ARFIP1: variants seen among roughly 807,000 people sequenced by gnomAD.
The protein encoded by ARFIP1 is ARF interacting protein 1.
A neutral mutation model predicts 42.5 loss-of-function variants in ARFIP1; 24 were observed. That is an observed-to-expected ratio of 0.57 (90% CI 0.41 to 0.80). The LOEUF is 0.80. Among genes scored for constraint, ARFIP1 ranks in the 30% least tolerant of loss-of-function variants. The pLI, the probability that ARFIP1 is intolerant of heterozygous loss-of-function variation, is 0.00. For synonymous variants in ARFIP1, 141 were observed against 153.7 expected (o/e 0.92, Z 0.61); for missense variants, 354 against 434.0 (o/e 0.82, Z 1.64).
At chr4:152,860,715 T>C (rs559411937) in intron 2 of ARFIP1, among the ~76,000 whole-genome samples, 1 of 152,314 alleles carries the variant, frequency 6.6e-6, no homozygotes, top group African/African-American at 2.4e-5. Context: ...GTTTAATTTA[T>C]TTCCAATAAT....
intron 1 of ARFIP1, among the ~76,000 whole-genome samples, chr4:152,804,851 A>G (rs1057387238): frequency 5.3e-5 from 8 of 152,166 alleles, no homozygotes; most frequent in Non-Finnish European, 8.8e-5. Context: ...ATTAAATGCT[A>G]GCTCTTATTG....
intron 1 of ARFIP1, among the ~76,000 whole-genome samples, chr4:152,819,817 A>G (rs1730213779): frequency 6.6e-6 from 1 of 152,154 alleles, no homozygotes; most frequent in Non-Finnish European, 1.5e-5. Context: ...TTGGAGAAGG[A>G]GATTACTTCT....
chr4:152,852,423 G>A (rs1470074805), intron 2 of ARFIP1, among the ~76,000 whole-genome samples: 1 of 152,130 alleles, frequency 6.6e-6, no homozygotes. Context: ...CAGAGCTCAG[G>A]AGTTCGAGAC....
intron 1 of ARFIP1, among the ~76,000 whole-genome samples, chr4:152,808,562 A>C (rs1419258518): frequency 6.6e-6 from 1 of 151,770 alleles, no homozygotes; most frequent in African/African-American, 2.4e-5. Flanking sequence ...ACTGCCAAAT[A>C]GTTTTCCAAA....
intron 1 of ARFIP1, among the ~76,000 whole-genome samples, chr4:152,801,310 T>C (rs987114768): frequency 1.4e-4 from 22 of 152,038 alleles, no homozygotes; most frequent in Middle Eastern, 6.8e-3. Context: ...ATCGTGAAAA[T>C]CCAGGAGTAA....
chr4:152,813,390 T>C (rs946057382), intron 1 of ARFIP1, among the ~76,000 whole-genome samples: 5 of 152,194 alleles, frequency 3.3e-5, no homozygotes, highest in Admixed American at 2.0e-4. Flanking sequence ...TGCTTTCTTA[T>C]TCCTTTCAGT....
intron 8 of ARFIP1, among the ~76,000 whole-genome samples, chr4:152,903,186 G>C (rs938169448): frequency 1.3e-5 from 2 of 152,046 alleles, no homozygotes; most frequent in Non-Finnish European, 2.9e-5. Flanking sequence ...TAAAAAATAG[G>C]CAGAAAATCT....
intron 5 of ARFIP1, among the ~76,000 whole-genome samples, chr4:152,877,510 A>G (rs1026660377): frequency 3.9e-5 from 6 of 152,270 alleles, no homozygotes; most frequent in Admixed American, 3.9e-4. Context: ...ACTCACACGC[A>G]TCTCAGATGA....
chr4:152,845,831 C>T (rs1054703149), intron 2 of ARFIP1, among the ~76,000 whole-genome samples: 7 of 152,182 alleles, frequency 4.6e-5, no homozygotes, highest in Non-Finnish European at 1.0e-4. Context: ...ACCCAGCAAT[C>T]CCATGACTGG....
chr4:152,899,290 T>G (rs866844811), intron 8 of ARFIP1, among the ~76,000 whole-genome samples: 6 of 152,090 alleles, frequency 3.9e-5, no homozygotes, highest in Non-Finnish European at 8.8e-5. Flanking sequence ...AAGAAAACAT[T>G]GGTGGGATCC....
intron 5 of ARFIP1, among the ~76,000 whole-genome samples, chr4:152,880,352 A>C (rs1030819640): frequency 1.8e-3 from 107 of 58,960 alleles, no homozygotes; most frequent in African/African-American, 3.9e-3. Flanking sequence ...ATCTCAGACA[A>C]AAAAAAAAAA....
At chr4:152,892,737 A>G (rs1364557090) in intron 8 of ARFIP1, among the ~76,000 whole-genome samples, 1 of 152,166 alleles carries the variant, frequency 6.6e-6, no homozygotes, top group Non-Finnish European at 1.5e-5. Flanking sequence ...AATGAAAAAC[A>G]TGTGTTGTTC....
At chr4:152,831,058 G>A (rs1053160510) in intron 2 of ARFIP1, among the ~76,000 whole-genome samples, 1 of 152,118 alleles carries the variant, frequency 6.6e-6, no homozygotes, top group Non-Finnish European at 1.5e-5. Context: ...GCACACAAAA[G>A]AAATTTTCAT....
intron 3 of ARFIP1, among the ~76,000 whole-genome samples, chr4:152,868,275 G>T (rs943932412): frequency 3.9e-5 from 6 of 152,126 alleles, no homozygotes; most frequent in African/African-American, 7.2e-5. Context: ...TGGTACCAGG[G>T]TTTTGTTTTA....
chr4:152,845,976 A>G (rs1490282001), intron 2 of ARFIP1, among the ~76,000 whole-genome samples: 1 of 152,206 alleles, frequency 6.6e-6, no homozygotes, highest in Non-Finnish European at 1.5e-5. Flanking sequence ...GGTAAAGAAA[A>G]TGTGGTAGAT....
intron 1 of ARFIP1, among the ~76,000 whole-genome samples, chr4:152,803,414 T>C (rs1368219845): frequency 6.6e-6 from 1 of 152,166 alleles, no homozygotes; most frequent in Admixed American, 6.5e-5. Flanking sequence ...TTTTTTATTT[T>C]GGGGAATTGT....
chr4:152,904,835 A>T (rs1738171557), intron 8 of ARFIP1, among the ~76,000 whole-genome samples: 1 of 152,144 alleles, frequency 6.6e-6, no homozygotes, highest in South Asian at 2.1e-4. Flanking sequence ...CACTATTGTG[A>T]ATAGTGCTGC....
chr4:152,902,655 T>C (rs568630843), intron 8 of ARFIP1, among the ~76,000 whole-genome samples: 3 of 152,348 alleles, frequency 2.0e-5, no homozygotes, highest in African/African-American at 4.8e-5. Context: ...CTTTCTTTCA[T>C]TCTGTGCTCC....
At chr4:152,901,397 T>A (rs1283036681) in intron 8 of ARFIP1, among the ~76,000 whole-genome samples, 1 of 152,212 alleles carries the variant, frequency 6.6e-6, no homozygotes, top group Non-Finnish European at 1.5e-5. Context: ...AACTCCAGCT[T>A]GTCTTTCTGC....
Sources: allele counts gnomAD v4.1 joint callset (sites outside exome capture counted in the v4.1 genomes callset), GRCh38; gene constraint gnomAD v4.1.1; transcripts MANE v1.5; gene names NCBI Gene and HGNC (gene_info 2026-07-23, HGNC 2026-07-21).